Variants in INPP4A observed in about 807,000 individuals in gnomAD.
The protein encoded by INPP4A is inositol polyphosphate-4-phosphatase type I A.
Under a neutral mutation model 119.8 loss-of-function variants are expected in INPP4A, and 33 were observed. The ratio of observed to expected loss-of-function variants is 0.28; its 90% CI spans 0.21 to 0.37. INPP4A has a LOEUF of 0.37. Ranked by LOEUF, INPP4A falls within the 10% of genes least tolerant of loss-of-function variation. The probability of loss-of-function intolerance (pLI) is 1.00; values close to 1 mark genes in which losing one functional copy is unlikely to be tolerated. For missense variants in INPP4A, 956 were observed against 1,289.9 expected (o/e 0.74, Z 3.97); for synonymous variants, 496 against 500.7 (o/e 0.99, Z 0.12).
chr2:98,484,839 G>A (rs1408297977), intron 1 of INPP4A, among the ~76,000 whole-genome samples: 1 of 152,052 alleles, frequency 6.6e-6, no homozygotes, highest in African/African-American at 2.4e-5. Context: ...TGTCTATATG[G>A]TATTCACATA....
chr2:98,490,252 G>A (rs190306303), intron 1 of INPP4A, among the ~76,000 whole-genome samples: 2 of 152,020 alleles, frequency 1.3e-5, no homozygotes, highest in African/African-American at 2.4e-5. Flanking sequence ...CAGCAACAGC[G>A]AGCATCCCAG....
At chr2:98,571,717 C>A (rs1043697779) in intron 22 of INPP4A, among the ~76,000 whole-genome samples, 4 of 152,226 alleles carry the variant, frequency 2.6e-5, no homozygotes, top group African/African-American at 4.8e-5. Flanking sequence ...CAGCTGAATA[C>A]CCCCAAACTT....
chr2:98,560,389 T>G (rs1247952658), intron 17 of INPP4A, among the ~76,000 whole-genome samples: 1 of 152,228 alleles, frequency 6.6e-6, no homozygotes, highest in Non-Finnish European at 1.5e-5. Context: ...GCATTGCTAG[T>G]GAAGCCTGTC....
rs749152264 is a variant in INPP4A at position 98,568,558 on chromosome 2, A to G, written c.2421-13A>G. 4.6e-6 allele frequency: 7 copies of G among 1,508,048 alleles called. No individual in the cohort carries two copies. Among genetic ancestry groups the G allele is most frequent in the Admixed American group, 1.8e-5 (1 of 54,478 alleles). The allele number at this position is 1,508,048 out of a possible 1,614,324, so 93.4% of individuals were successfully genotyped here. ...CATTAGCCAACTAATGGCATCCCCT[A>G]TAACCTCCCAAGGTTTGGCGATACG... is the stretch of plus-strand genomic sequence containing the variant. On this transcript the variant is annotated splice_polypyrimidine_tract_variant and intron_variant, in intron 21 of 24. Coordinates refer to ENST00000409851, the MANE Select transcript of INPP4A (RefSeq NM_001134225.2).
At chr2:98,514,835 C>T (rs940105901) in intron 1 of INPP4A, among the ~76,000 whole-genome samples, 30 of 152,148 alleles carry the variant, frequency 2.0e-4, no homozygotes, top group African/African-American at 4.8e-4. Context: ...GGGTGGATGG[C>T]TTGAGCCCAG....
intron 1 of INPP4A, among the ~76,000 whole-genome samples, chr2:98,497,177 A>C (rs1300609702): frequency 2.0e-5 from 3 of 152,218 alleles, no homozygotes; most frequent in Non-Finnish European, 4.4e-5. Context: ...GGCAGCTTCC[A>C]CATGGTTTTG....
chr2:98,482,978 G>C (rs1009796329), intron 1 of INPP4A, among the ~76,000 whole-genome samples: 1 of 152,112 alleles, frequency 6.6e-6, no homozygotes, highest in Non-Finnish European at 1.5e-5. Flanking sequence ...GAATCTGTAC[G>C]TATATAATGC....
chr2:98,528,803 C>T (rs941508200), intron 4 of INPP4A, among the ~76,000 whole-genome samples: 4 of 152,136 alleles, frequency 2.6e-5, no homozygotes, highest in African/African-American at 7.2e-5. Flanking sequence ...TTCGGCCAGG[C>T]GCAGTGGCTC....
intron 1 of INPP4A, among the ~76,000 whole-genome samples, chr2:98,447,826 T>C (rs1051082584): frequency 3.9e-5 from 6 of 152,074 alleles, no homozygotes; most frequent in African/African-American, 1.4e-4. Context: ...GGCGGGCGGA[T>C]CACAAGATCA....
rs371798563 is a variant in INPP4A, at chr2:98,565,735, G to A, written c.2248G>A (p.Ala750Thr). The A allele has an allele frequency of 4.1e-5, 66 of 1,613,042 alleles. No individual in the cohort carries two copies. The highest frequency in any genetic ancestry group is 2.6e-4 in the South Asian group (24 of 90,892). Residue 750 changes from alanine to threonine, a missense_variant, in exon 20 of 25, where the codon GCA becomes ACA. Physicochemically the swap from Ala to Thr is moderately conservative, Grantham distance 58. Around this residue, in one of 2 missense-constraint regions of INPP4A, gnomAD observed 304 missense variants for 492.1 expected, o/e 0.62. Transcript: ENST00000409851. ...KVTQATSSAS[A>T]DMLPVITGNR... Reference sequence around the variant, plus strand: ...CACTCAGGCCACTTCCAGCGCCTCCGCAGACATGCTGCCCGTCATCACAGG... The same window carrying A: ...CACTCAGGCCACTTCCAGCGCCTCCACAGACATGCTGCCCGTCATCACAGG...
At chr2:98,561,846 C>G (rs963636406) in intron 17 of INPP4A, among the ~76,000 whole-genome samples, 3 of 152,204 alleles carry the variant, frequency 2.0e-5, no homozygotes, top group Non-Finnish European at 4.4e-5. Context: ...TTCCCCAAAC[C>G]GTTTGGCGAG....
At chr2:98,456,770 G>A (rs576929975) in intron 1 of INPP4A, among the ~76,000 whole-genome samples, 1 of 152,340 alleles carries the variant, frequency 6.6e-6, no homozygotes, top group Non-Finnish European at 1.5e-5. Context: ...CCCAAAACAC[G>A]TGTTTTGTGA....
At chr2:98,458,842 G>A in intron 1 of INPP4A, among the ~76,000 whole-genome samples, 1 of 152,196 alleles carries the variant, frequency 6.6e-6, no homozygotes, top group Non-Finnish European at 1.5e-5. Context: ...AAGCGGGTAG[G>A]CAGCATCGGC....
chr2:98,464,085 T>C (rs1424119661), intron 1 of INPP4A, among the ~76,000 whole-genome samples: 1 of 152,216 alleles, frequency 6.6e-6, no homozygotes, highest in African/African-American at 2.4e-5. Context: ...CATTTTTTCT[T>C]TAAGATACTC....
intron 1 of INPP4A, among the ~76,000 whole-genome samples, chr2:98,475,110 A>G (rs939294400): frequency 6.6e-6 from 1 of 152,120 alleles, no homozygotes; most frequent in Non-Finnish European, 1.5e-5. Flanking sequence ...GTCATGTAGC[A>G]TGAGTACAAA....
At chr2:98,507,101 C>G (rs1684212902) in intron 1 of INPP4A, among the ~76,000 whole-genome samples, 1 of 152,192 alleles carries the variant, frequency 6.6e-6, no homozygotes, top group Admixed American at 6.5e-5. Context: ...GCTGTTTTGA[C>G]CAAATAGCTG....
At chr2:98,463,352 A>G (rs1674009051) in intron 1 of INPP4A, among the ~76,000 whole-genome samples, 1 of 152,218 alleles carries the variant, frequency 6.6e-6, no homozygotes, top group South Asian at 2.1e-4. Flanking sequence ...GTGGAAGTCT[A>G]CATTTCAGCT....
At chr2:98,465,094 G>A (rs1052007643) in intron 1 of INPP4A, among the ~76,000 whole-genome samples, 2 of 152,178 alleles carry the variant, frequency 1.3e-5, no homozygotes, top group East Asian at 1.9e-4. Flanking sequence ...TTAATCCCTT[G>A]TATTAGCTTC....
rs573029700 is a variant in INPP4A, at chr2:98,554,357, C to G, written c.1434C>G (p.Ala478=). 1.3e-5 allele frequency: 21 copies of G among 1,613,612 alleles called. No homozygotes were observed. Among genetic ancestry groups the G allele is most frequent in the African/African-American group, 6.7e-5 (5 of 75,058 alleles). The stretch of plus-strand genomic sequence containing the variant: ...ACGCTGCACGGCCTGACTACATTGC[C>G]TCCAAGGCCTCTCCCACTTCGACTG... ...GLNAARPDYI[A]SKASPTSTEE... The change falls in exon 15 of 25, where the codon GCC becomes GCG. Residue 478 remains alanine (A), a synonymous_variant. Coordinates refer to ENST00000409851, the MANE Select transcript of INPP4A (RefSeq NM_001134225.2). This position sits in a 1 kb window ranked among gnomAD's most constrained non-coding sequence, Gnocchi z 4.7.
Sources: allele counts gnomAD v4.1 joint callset (sites outside exome capture counted in the v4.1 genomes callset), GRCh38; gene constraint gnomAD v4.1.1; regional missense constraint gnomAD v4.1.1; non-coding constraint Gnocchi (gnomAD v3.1); transcripts MANE v1.5; gene names NCBI Gene and HGNC (gene_info 2026-07-23, HGNC 2026-07-21).